PDE4D: variants seen among roughly 807,000 people sequenced by gnomAD.
PDE4D encodes phosphodiesterase 4D.
In PDE4D, 24 loss-of-function variants were observed where a neutral mutation model predicts 87.4. That is an observed-to-expected ratio of 0.27 (90% CI 0.20 to 0.39). The LOEUF (loss-of-function observed/expected upper bound fraction) is 0.39, where lower values mean the gene tolerates loss of function less well. PDE4D is among the 10% of genes least tolerant of loss of function. PDE4D has a pLI of 1.00. For missense variants in PDE4D, 714 were observed against 1,041.0 expected (o/e 0.69, Z 4.32); for synonymous variants, 384 against 383.2 (o/e 1.00, Z -0.02).
At chr5:60,063,302 A>G (rs1462777286) in intron 2 of PDE4D, among the ~76,000 whole-genome samples, 1 of 152,144 alleles carries the variant, frequency 6.6e-6, no homozygotes, top group African/African-American at 2.4e-5. Flanking sequence ...AACTTTATAA[A>G]TATTTATTGA....
intron 1 of PDE4D, among the ~76,000 whole-genome samples, chr5:59,329,312 T>C (rs558518750): frequency 6.6e-6 from 1 of 152,178 alleles, no homozygotes; most frequent in Non-Finnish European, 1.5e-5. Flanking sequence ...ATAGAACAGA[T>C]GGGAATTCCC....
chr5:59,579,617 G>A (rs551407967), intron 1 of PDE4D, among the ~76,000 whole-genome samples: 121 of 152,284 alleles, frequency 7.9e-4, no homozygotes, highest in African/African-American at 2.6e-3. Context: ...GCTGGAGCCC[G>A]TATCAAAGCA....
At chr5:59,711,755 A>G (rs1409810571) in intron 1 of PDE4D, among the ~76,000 whole-genome samples, 1 of 152,128 alleles carries the variant, frequency 6.6e-6, no homozygotes, top group African/African-American at 2.4e-5. Flanking sequence ...TCTTTTGTAT[A>G]TTATGATATA....
intron 1 of PDE4D, among the ~76,000 whole-genome samples, chr5:59,273,407 TTGA>T (rs2153542547): frequency 6.7e-6 from 1 of 149,854 alleles, no homozygotes; most frequent in East Asian, 1.9e-4. Flanking sequence ...ATAATCTATA[TTGA>T]TTTTATACAT....
chr5:59,585,173 GGATC>G (rs1824904991), intron 1 of PDE4D, among the ~76,000 whole-genome samples: 1 of 152,144 alleles, frequency 6.6e-6, no homozygotes, highest in African/African-American at 2.4e-5. Flanking sequence ...GACTCTGGAT[GGATC>G]TGGTGTTGTT....
intron 1 of PDE4D, among the ~76,000 whole-genome samples, chr5:59,803,754 T>C (rs1767424427): frequency 6.6e-6 from 1 of 152,166 alleles, no homozygotes; most frequent in African/African-American, 2.4e-5. Flanking sequence ...CTAAAGTAGA[T>C]GGTAGTATGT....
At chr5:59,707,493 A>AT (rs1338737515) in intron 1 of PDE4D, among the ~76,000 whole-genome samples, 3 of 151,816 alleles carry the variant, frequency 2.0e-5, no homozygotes, top group Non-Finnish European at 4.4e-5. Flanking sequence ...TTGAAATAAG[A>AT]TTTTTTTTAG....
At chr5:59,371,865 A>C (rs1783993064) in intron 1 of PDE4D, among the ~76,000 whole-genome samples, 1 of 152,204 alleles carries the variant, frequency 6.6e-6, no homozygotes, top group African/African-American at 2.4e-5. Context: ...TGCAAACTGC[A>C]GTCTTCTTTT....
At chr5:59,505,757 G>A (rs16889913) in intron 1 of PDE4D, among the ~76,000 whole-genome samples, 10,889 of 152,136 alleles carry the variant, frequency 0.072, 1,215 homozygotes, top group African/African-American at 0.24. Flanking sequence ...TCAGATTTAC[G>A]TTGTTAAGAC....
chr5:59,395,513 C>G (rs1360566610), intron 1 of PDE4D, among the ~76,000 whole-genome samples: 1 of 151,996 alleles, frequency 6.6e-6, no homozygotes, highest in Non-Finnish European at 1.5e-5. Flanking sequence ...AGACCTGCAG[C>G]TGAGGGTCCT....
intron 1 of PDE4D, among the ~76,000 whole-genome samples, chr5:59,550,702 A>ATT (rs199730901): frequency 0.69 from 101,158 of 146,218 alleles, 35,482 homozygotes; most frequent in South Asian, 0.82. Context: ...ATTTCTAAGA[A>ATT]TTTTTTTTTT....
At chr5:60,119,527 A>G (rs560938516) in intron 2 of PDE4D, among the ~76,000 whole-genome samples, 3 of 152,332 alleles carry the variant, frequency 2.0e-5, no homozygotes, top group Non-Finnish European at 2.9e-5. Flanking sequence ...GTCCTCTGGA[A>G]TTAGATTTTC....
intron 1 of PDE4D, among the ~76,000 whole-genome samples, chr5:59,794,137 GCACACACACACACACACACACACA>G (rs58204799): frequency 5.5e-5 from 8 of 144,956 alleles, no homozygotes; most frequent in Non-Finnish European, 7.5e-5. Context: ...ACACAGAGGC[GCACACACACACACACACACACACA>G]CACACACACA....
chr5:60,082,155 T>C (rs965185847), intron 2 of PDE4D, among the ~76,000 whole-genome samples: 10 of 152,114 alleles, frequency 6.6e-5, no homozygotes, highest in African/African-American at 2.4e-4. Flanking sequence ...CCCCCAAAAT[T>C]TATATGTTGA....
chr5:60,226,556 T>A (rs1433946591), intron 1 of PDE4D, among the ~76,000 whole-genome samples: 1 of 152,156 alleles, frequency 6.6e-6, no homozygotes, highest in Non-Finnish European at 1.5e-5. Flanking sequence ...AATTTTTTAT[T>A]TGAAAAACAG....
chr5:60,270,921 T>C (rs1242492405), intron 1 of PDE4D, among the ~76,000 whole-genome samples: 1 of 152,230 alleles, frequency 6.6e-6, no homozygotes, highest in Non-Finnish European at 1.5e-5. Flanking sequence ...TGTAGCTGAA[T>C]TTCTGATAAG....
chr5:59,281,470 C>T (rs950851064), intron 1 of PDE4D, among the ~76,000 whole-genome samples: 5 of 152,236 alleles, frequency 3.3e-5, no homozygotes, highest in South Asian at 4.1e-4. Context: ...TCTAAGCATA[C>T]GCATTTACAA....
chr5:60,399,996 C>G (rs570755538), intron 1 of PDE4D, among the ~76,000 whole-genome samples: 1 of 152,202 alleles, frequency 6.6e-6, no homozygotes, highest in Non-Finnish European at 1.5e-5. Context: ...TTGTGCTCAA[C>G]CAGAGTAACA....
At chr5:60,098,762 C>A (rs1235700735) in intron 2 of PDE4D, among the ~76,000 whole-genome samples, 7 of 152,022 alleles carry the variant, frequency 4.6e-5, no homozygotes, top group Non-Finnish European at 7.4e-5. Flanking sequence ...TTTTTTACTT[C>A]CATTTCTTGC....
Sources: gnomAD v4.1 joint callset for allele counts (sites outside exome capture counted in the v4.1 genomes callset) on GRCh38, gnomAD v4.1.1 for gene constraint, MANE v1.5 for transcripts, NCBI Gene and HGNC (gene_info 2026-07-23, HGNC 2026-07-21) for gene names.